Variants in PPP3R1 observed in about 807,000 individuals in gnomAD.
The protein encoded by PPP3R1 is protein phosphatase 3 regulatory subunit B, alpha.
PPP3R1 carries 5 observed loss-of-function variants against 22.6 expected under a neutral mutation model. That is an observed-to-expected ratio of 0.22 (90% CI 0.12 to 0.46). PPP3R1 has a LOEUF of 0.46. PPP3R1 is among the 20% of genes least tolerant of loss of function. PPP3R1 has a pLI of 0.99. For missense variants in PPP3R1, 61 were observed against 203.2 expected (o/e 0.30, Z 4.25); for synonymous variants, 56 against 65.2 (o/e 0.86, Z 0.68).
chr2:68,217,219 T>C (rs1325241102), intron 1 of PPP3R1, 88 bp from the exon 2 acceptor site: 3 of 918,954 alleles, frequency 3.3e-6, no homozygotes, highest in Non-Finnish European at 5.1e-6. Flanking sequence ...TCAAAAAACA[T>C]AGGGAAATAA....
chr2:68,195,969 A>AG (rs938085952), intron 2 of PPP3R1, among the ~76,000 whole-genome samples: 1 of 151,856 alleles, frequency 6.6e-6, no homozygotes, highest in African/African-American at 2.4e-5. Flanking sequence ...TACTATTTCT[A>AG]AGACACGATT....
chr2:68,190,686 ATTG>A (rs931770053), intron 2 of PPP3R1, among the ~76,000 whole-genome samples: 12 of 152,164 alleles, frequency 7.9e-5, no homozygotes, highest in African/African-American at 2.7e-4. Context: ...TCTTTCTAAA[ATTG>A]TTATGTTGTC....
At chr2:68,204,672 G>C (rs959945063) in intron 2 of PPP3R1, among the ~76,000 whole-genome samples, 3 of 152,188 alleles carry the variant, frequency 2.0e-5, no homozygotes, top group Non-Finnish European at 2.9e-5. Flanking sequence ...AAAACGCTTA[G>C]AATAATTCCT....
At chr2:68,233,356 T>C (rs902420426) in intron 1 of PPP3R1, among the ~76,000 whole-genome samples, 8 of 152,212 alleles carry the variant, frequency 5.3e-5, no homozygotes, top group African/African-American at 1.9e-4. Flanking sequence ...TAAATCCCTT[T>C]TATTTCTTTG....
intron 2 of PPP3R1, among the ~76,000 whole-genome samples, chr2:68,207,690 T>A (rs1669339983): frequency 6.6e-6 from 1 of 152,252 alleles, no homozygotes; most frequent in South Asian, 2.1e-4. Flanking sequence ...TTGGAGTTTA[T>A]GCTAGCCACA....
intron 2 of PPP3R1, among the ~76,000 whole-genome samples, chr2:68,193,271 T>C (rs1263456727): frequency 6.6e-6 from 1 of 152,134 alleles, no homozygotes; most frequent in Admixed American, 6.5e-5. Flanking sequence ...CCATTCATCA[T>C]CATTCCCACA....
At chr2:68,212,102 A>T (rs938413890) in intron 2 of PPP3R1, among the ~76,000 whole-genome samples, 2 of 151,808 alleles carry the variant, frequency 1.3e-5, no homozygotes, top group Non-Finnish European at 2.9e-5. Context: ...TTTTTTGGAG[A>T]CAAGGTCTCG....
intron 1 of PPP3R1, among the ~76,000 whole-genome samples, chr2:68,240,884 A>C (rs1161578034): frequency 6.6e-6 from 1 of 152,258 alleles, no homozygotes; most frequent in Non-Finnish European, 1.5e-5. Flanking sequence ...TCTTGGACCA[A>C]ACCTACATCA....
chr2:68,217,011 TACAC>T (rs66891931), intron 2 of PPP3R1, 77 bp downstream of exon 2: 8,304 of 757,678 alleles, frequency 0.011, 3 homozygotes, highest in Non-Finnish European at 0.012. Flanking sequence ...AGAGGTATGA[TACAC>T]ACACACACAC....
chr2:68,217,179 G>A, intron 1 of PPP3R1, 48 bp from the exon 2 acceptor site: 2 of 1,381,058 alleles, frequency 1.4e-6, no homozygotes, highest in Non-Finnish European at 2.0e-6. Flanking sequence ...GCACAAATTT[G>A]TTTAAAATAT....
rs888737373 is a variant in PPP3R1 at position 68,252,247 on chromosome 2, G to A, written c.-120C>T. 9 of 1,089,174 alleles carry A rather than the reference G, an allele frequency of 8.3e-6. No individual in the cohort carries two copies. In the African/African-American group the frequency reaches 8.4e-5, roughly 10 times the overall value. 67.5% of individuals were successfully genotyped at this position (1,089,174 alleles called of 1,614,324 possible). A position where few individuals can be genotyped will look rare whatever the true frequency, so the allele number is the denominator to read the frequency against. ...CGGCCCTCGGGTCGCCGGCGGGGAG[G>A]GGGCGCGCGTGGGGGAGGGGAGGCG... On this transcript the variant is annotated 5_prime_UTR_variant, in exon 1 of 6. Transcript: ENST00000234310.
intron 2 of PPP3R1, among the ~76,000 whole-genome samples, chr2:68,207,272 G>T (rs1249441473): frequency 6.8e-6 from 1 of 146,204 alleles, no homozygotes; most frequent in Non-Finnish European, 1.5e-5. Context: ...CAGGAAAAAA[G>T]AACTACATAA....
intron 1 of PPP3R1, among the ~76,000 whole-genome samples, chr2:68,238,279 T>A (rs1191385926): frequency 6.6e-6 from 1 of 152,046 alleles, no homozygotes. Context: ...CAATTAAACA[T>A]AATGAAATAT....
chr2:68,198,098 A>G (rs1674835739), intron 2 of PPP3R1, among the ~76,000 whole-genome samples: 1 of 136,810 alleles, frequency 7.3e-6, no homozygotes, highest in Non-Finnish European at 1.6e-5. Flanking sequence ...AAGCATATAT[A>G]TGTAAACATA....
Position 68,237,543 on chromosome 2 carries a change from A to G in PPP3R1, c.3+14582T>C, listed in dbSNP as rs189727999. Among the ~76,000 whole-genome samples the G allele has an allele frequency of 1.8e-3, 270 of 152,280 alleles. 1 individual carries two copies. Among genetic ancestry groups the G allele is most frequent in the African/African-American group, 6.2e-3 (256 of 41,574 alleles). On this transcript the variant is annotated intron_variant, in intron 1 of 5. Coordinates refer to ENST00000234310, the MANE Select transcript of PPP3R1 (RefSeq NM_000945.4). The stretch of plus-strand genomic sequence containing the variant: ...TTCAGCACTTGAACAATTACTTGAC[A>G]TTATACAACTCTATGAGTAATGTGA...
rs1351790438 is a variant in PPP3R1, at chr2:68,230,604, C to T, written c.4-13473G>A. On this transcript the variant is annotated intron_variant, in intron 1 of 5. Coordinates refer to ENST00000234310, the MANE Select transcript of PPP3R1 (RefSeq NM_000945.4). ...TATTGTATTTACCCGTACTTTTACA[C>T]TTTGAATTGTTCCTTCCTCTTTCCT... Among the ~76,000 whole-genome samples the T allele has an allele frequency of 7.6e-5, 10 of 131,282 alleles. No individual in the cohort carries two copies. The South Asian group carries it at 2.4e-3, about 32-fold the overall frequency. 86.1% of individuals were successfully genotyped at this position (131,282 alleles called of 152,430 possible).
chr2:68,199,047 T>A (rs1224821568), intron 2 of PPP3R1, among the ~76,000 whole-genome samples: 1 of 152,202 alleles, frequency 6.6e-6, no homozygotes, highest in Non-Finnish European at 1.5e-5. Context: ...CACTGCCACC[T>A]CCGCCTCCTG....
chr2:68,180,846 C>A lies in PPP3R1; in HGVS notation c.*117G>T. On this transcript the variant is annotated 3_prime_UTR_variant, in exon 6 of 6. Coordinates refer to ENST00000234310, the MANE Select transcript of PPP3R1 (RefSeq NM_000945.4). Reference sequence around the variant, plus strand: ...ATGAGGCTCATGTTGGAAAATGTGGCTTCACAGAGAAAAATACTTCCATTT... The same window carrying A: ...ATGAGGCTCATGTTGGAAAATGTGGATTCACAGAGAAAAATACTTCCATTT... The A allele has an allele frequency of 1.9e-6, 2 of 1,062,372 alleles. No homozygotes were observed. Among genetic ancestry groups the A allele is most frequent in the Non-Finnish European group, 2.8e-6 (2 of 722,338 alleles). The allele number at this position is 1,062,372 out of a possible 1,614,324, so 65.8% of individuals were successfully genotyped here. A position where few individuals can be genotyped will look rare whatever the true frequency, so the allele number is the denominator to read the frequency against.
chr2:68,251,364 G>A (rs1274940790), intron 1 of PPP3R1, among the ~76,000 whole-genome samples: 1 of 152,114 alleles, frequency 6.6e-6, no homozygotes, highest in Admixed American at 6.5e-5. Flanking sequence ...GACACAAGAA[G>A]GTACCAAAGA....
Sources: gnomAD v4.1 joint callset for allele counts (sites outside exome capture counted in the v4.1 genomes callset) on GRCh38, gnomAD v4.1.1 for gene constraint, MANE v1.5 for transcripts, NCBI Gene and HGNC (gene_info 2026-07-23, HGNC 2026-07-21) for gene names.